The following CDYL variants were observed in gnomAD, a reference collection of about 807,000 sequenced individuals.
CDYL encodes the protein chromodomain Y-like protein.
A neutral mutation model predicts 47.3 loss-of-function variants in CDYL; 8 were observed. The observed-to-expected ratio is 0.17, with a 90% CI of 0.10 to 0.31. The LOEUF (loss-of-function observed/expected upper bound fraction) is 0.31, where lower values mean the gene tolerates loss of function less well. Ranked by LOEUF, CDYL falls within the 10% of genes least tolerant of loss-of-function variation. CDYL has a pLI of 1.00. For synonymous variants in CDYL, 266 were observed against 265.0 expected (o/e 1.00, Z -0.04); for missense variants, 471 against 701.4 (o/e 0.67, Z 3.71).
At chr6:4,736,650 G>A (rs1757708987) in intron 3 of CDYL, among the ~76,000 whole-genome samples, 1 of 151,458 alleles carries the variant, frequency 6.6e-6, no homozygotes, top group Admixed American at 6.6e-5. Flanking sequence ...GAAAGCCAAT[G>A]CTACTCAGCT....
At chr6:4,814,222 T>G (rs1759608472) in intron 1 of CDYL, among the ~76,000 whole-genome samples, 1 of 151,992 alleles carries the variant, frequency 6.6e-6, no homozygotes, top group African/African-American at 2.4e-5. Flanking sequence ...TTGAAGTAAG[T>G]TTTCTTAAAC....
intron 2 of CDYL, among the ~76,000 whole-genome samples, chr6:4,897,131 G>T (rs1317677770): frequency 1.3e-5 from 2 of 152,192 alleles, no homozygotes; most frequent in African/African-American, 4.8e-5. Flanking sequence ...TCCTACAAAA[G>T]AAGTAATTGC....
intron 1 of CDYL, among the ~76,000 whole-genome samples, chr6:4,872,356 G>T (rs1761500850): frequency 1.4e-5 from 2 of 144,736 alleles, no homozygotes; most frequent in South Asian, 4.3e-4. Context: ...GGTACATTAG[G>T]TTTAAAAGCG....
At position 4,868,273 on chromosome 6, in the gene CDYL, A is replaced by G. The variant is rs541153747; in HGVS notation, c.25-23440A>G. Among the ~76,000 whole-genome samples the G allele has an allele frequency of 7.2e-5, 11 of 152,122 alleles. 1 individual carries two copies. Among genetic ancestry groups the G allele is most frequent in the African/African-American group, 1.4e-4 (6 of 41,552 alleles). On this transcript the variant is annotated intron_variant, in intron 1 of 6. Transcript: ENST00000397588. Reference sequence around the variant, plus strand: ...ATTTTCTCTAAGCACTACATTGGCTACATTTCATAAATTTTCATGTGTTGC... The same window carrying G: ...ATTTTCTCTAAGCACTACATTGGCTGCATTTCATAAATTTTCATGTGTTGC...
At chr6:4,804,029 G>A (rs1432725814) in intron 1 of CDYL, among the ~76,000 whole-genome samples, 1 of 120,868 alleles carries the variant, frequency 8.3e-6, no homozygotes, top group African/African-American at 3.2e-5. Context: ...AAAATACTTT[G>A]TTTGCCGTGC....
At chr6:4,856,202 A>G in intron 1 of CDYL, among the ~76,000 whole-genome samples, 1 of 152,256 alleles carries the variant, frequency 6.6e-6, no homozygotes, top group Non-Finnish European at 1.5e-5. Flanking sequence ...ACATGAGATC[A>G]TAAAATATGT....
rs558645437 is a variant in CDYL at position 4,804,321 on chromosome 6, G to A, written c.24+27514G>A. On this transcript the variant is annotated intron_variant, in intron 1 of 6. Transcript: ENST00000397588. ...CCATTATTCAGTCATGTTGAAGTGC[G>A]GGGCGCTGCCTAAGAACCTAGCTCC... Among the ~76,000 whole-genome samples, 16 of 152,288 alleles carry A rather than the reference G, an allele frequency of 1.1e-4. No individual in the cohort carries two copies. The South Asian group carries it at 2.3e-3, about 22-fold the overall frequency.
At chr6:4,889,931 C>T in intron 1 of CDYL, 1 of 982,736 alleles carries the variant, frequency 1.0e-6, no homozygotes, top group Non-Finnish European at 1.2e-6. Context: ...ACAGGATCTG[C>T]CTGGGGCCTG....
chr6:4,788,802 G>A, intron 1 of CDYL, among the ~76,000 whole-genome samples: 1 of 151,772 alleles, frequency 6.6e-6, no homozygotes, highest in African/African-American at 2.4e-5. Flanking sequence ...TTTGTGGTCT[G>A]CCTGTCGAAC....
At chr6:4,937,054 T>C (rs1408520651) in intron 3 of CDYL, among the ~76,000 whole-genome samples, 1 of 152,198 alleles carries the variant, frequency 6.6e-6, no homozygotes, top group Non-Finnish European at 1.5e-5. Flanking sequence ...ATGCAGATTC[T>C]CCAGTAATAA....
At position 4,892,425 on chromosome 6, in the gene CDYL, G is replaced by T; in HGVS notation, c.691+46G>T. 2.6e-6 allele frequency: 4 copies of T among 1,532,072 alleles called. No homozygotes were observed. In the South Asian group the frequency reaches 3.8e-5, roughly 15 times the overall value. The allele number at this position is 1,532,072 out of a possible 1,614,324, so 94.9% of individuals were successfully genotyped here. A position where few individuals can be genotyped will look rare whatever the true frequency, so the allele number is the denominator to read the frequency against. ...TCAGGCTCCGTGGTGATCCCAGAGG[G>T]CTCGGGTCCTTCTCTAGAGATCAGG... On this transcript the variant is annotated intron_variant, in intron 2 of 6. Coordinates refer to ENST00000397588, the MANE Select transcript of CDYL (RefSeq NM_004824.4).
chr6:4,706,877 TA>T (rs1757055610), intron 1 of CDYL, among the ~76,000 whole-genome samples: 1 of 152,136 alleles, frequency 6.6e-6, no homozygotes, highest in African/African-American at 2.4e-5. Context: ...AACTCTAATG[TA>T]AAGCATTCAG....
chr6:4,872,052 G>A (rs558514382), intron 1 of CDYL, among the ~76,000 whole-genome samples: 203 of 152,282 alleles, frequency 1.3e-3, no homozygotes, highest in African/African-American at 4.5e-3. Flanking sequence ...GTATGTGTGC[G>A]CAAGTGTATC....
intron 1 of CDYL, among the ~76,000 whole-genome samples, chr6:4,876,155 C>A (rs1351377964): frequency 6.6e-6 from 1 of 152,118 alleles, no homozygotes; most frequent in Non-Finnish European, 1.5e-5. Flanking sequence ...GTTGTTTATA[C>A]AGTAGTTTTT....
intron 2 of CDYL, among the ~76,000 whole-genome samples, chr6:4,898,237 C>T (rs907542398): frequency 1.1e-4 from 17 of 149,010 alleles, no homozygotes; most frequent in Non-Finnish European, 2.1e-4. Flanking sequence ...GAAAAAAAAA[C>T]GAAAAGGCAG....
chr6:4,878,852 T>C (rs1037316083), intron 1 of CDYL, among the ~76,000 whole-genome samples: 6 of 152,140 alleles, frequency 3.9e-5, no homozygotes, highest in Admixed American at 1.3e-4. Context: ...TTTAGATAAT[T>C]ATTTTTTTCT....
intron 1 of CDYL, among the ~76,000 whole-genome samples, chr6:4,854,704 G>C (rs888471784): frequency 2.1e-4 from 32 of 152,224 alleles, no homozygotes; most frequent in African/African-American, 7.7e-4. Context: ...CAGGTAAGTT[G>C]TCACACATCA....
At chr6:4,755,617 A>C (rs1758062936) in intron 3 of CDYL, among the ~76,000 whole-genome samples, 1 of 152,146 alleles carries the variant, frequency 6.6e-6, no homozygotes, top group African/African-American at 2.4e-5. Flanking sequence ...TGTTCATTTC[A>C]TGTTAGTGGC....
At chr6:4,875,017 T>G (rs1761581118) in intron 1 of CDYL, among the ~76,000 whole-genome samples, 1 of 152,182 alleles carries the variant, frequency 6.6e-6, no homozygotes, top group African/African-American at 2.4e-5. Context: ...GCGTGGGTCT[T>G]TCTGTGGACA....
Sources: gnomAD v4.1 joint callset for allele counts (sites outside exome capture counted in the v4.1 genomes callset) on GRCh38, gnomAD v4.1.1 for gene constraint, MANE v1.5 for transcripts, NCBI Gene and HGNC (gene_info 2026-07-23, HGNC 2026-07-21) for gene names.